Variants in SLC39A11 observed in about 807,000 individuals in gnomAD.
SLC39A11 encodes zinc transporter ZIP11.
A neutral mutation model predicts 36.1 loss-of-function variants in SLC39A11; 33 were observed. The observed-to-expected ratio is 0.91, with a 90% CI of 0.69 to 1.22. The LOEUF (loss-of-function observed/expected upper bound fraction) is 1.22. SLC39A11 is among the 50% of genes most tolerant of loss of function. SLC39A11 has a pLI of 0.00. For synonymous variants in SLC39A11, 166 were observed against 170.3 expected, an observed-to-expected ratio of 0.97 and a Z score of 0.20; for missense variants, 432 against 430.3, an observed-to-expected ratio of 1.00 and a Z score of -0.03.
chr17:72,692,879 T>C (rs186972073), intron 7 of SLC39A11, among the ~76,000 whole-genome samples: 143 of 152,286 alleles, frequency 9.4e-4, no homozygotes, highest in Non-Finnish European at 3.7e-4. Flanking sequence ...CAGCACCTCA[T>C]CAAAGCACTC....
intron 6 of SLC39A11, among the ~76,000 whole-genome samples, chr17:72,845,829 G>A (rs2079021132): frequency 1.3e-5 from 2 of 152,126 alleles, no homozygotes; most frequent in African/African-American, 4.8e-5. Context: ...TGAAACCAGT[G>A]ACTATTACCA....
chr17:72,784,857 CTTCT>C (rs754797002), intron 6 of SLC39A11, among the ~76,000 whole-genome samples: 4 of 116,086 alleles, frequency 3.4e-5, no homozygotes, highest in Non-Finnish European at 5.6e-5. Flanking sequence ...TTTTTTCTTT[CTTCT>C]TTTTTTTTTT....
chr17:72,760,153 A>G (rs1009469125), intron 6 of SLC39A11, among the ~76,000 whole-genome samples: 13 of 152,036 alleles, frequency 8.6e-5, no homozygotes, highest in African/African-American at 2.9e-4. Context: ...CAGCCTCCCG[A>G]GTAGCTGGGA....
chr17:73,081,670 C>CATGTATGTATATATGTATGTAT (rs2060523749), intron 3 of SLC39A11, among the ~76,000 whole-genome samples: 1 of 82,206 alleles, frequency 1.2e-5, no homozygotes, highest in Non-Finnish European at 2.3e-5. Flanking sequence ...CACACACACA[C>CATGTATGTATATATGTATGTAT]ATATATATAC....
At chr17:72,754,514 G>C (rs921723160) in intron 6 of SLC39A11, among the ~76,000 whole-genome samples, 3 of 152,184 alleles carry the variant, frequency 2.0e-5, no homozygotes, top group Admixed American at 2.0e-4. Flanking sequence ...GCCTACAGAG[G>C]ATGAGGAAGG....
chr17:72,899,003 C>A (rs182832712), intron 5 of SLC39A11, among the ~76,000 whole-genome samples: 2 of 149,862 alleles, frequency 1.3e-5, no homozygotes, highest in Non-Finnish European at 3.0e-5. Flanking sequence ...AGCCACTTGA[C>A]CGACCCCCAT....
At chr17:72,915,475 G>A (rs542866438) in intron 5 of SLC39A11, among the ~76,000 whole-genome samples, 1 of 152,302 alleles carries the variant, frequency 6.6e-6, no homozygotes, top group South Asian at 2.1e-4. Flanking sequence ...TGGCCTGTGT[G>A]GTACAACGTG....
chr17:72,754,850 T>G (rs886702400), intron 6 of SLC39A11, among the ~76,000 whole-genome samples: 1 of 152,214 alleles, frequency 6.6e-6, no homozygotes, highest in Non-Finnish European at 1.5e-5. Flanking sequence ...AGTGTGCACA[T>G]GCAAGCATGC....
chr17:73,032,129 C>T (rs1011461580), intron 3 of SLC39A11, among the ~76,000 whole-genome samples: 4 of 151,928 alleles, frequency 2.6e-5, no homozygotes, highest in Non-Finnish European at 5.9e-5. Context: ...AAACAACCTA[C>T]AATGCACAGC....
intron 3 of SLC39A11, among the ~76,000 whole-genome samples, chr17:73,041,449 T>G (rs1489850575): frequency 6.6e-6 from 1 of 152,074 alleles, no homozygotes; most frequent in Non-Finnish European, 1.5e-5. Context: ...AGAGACCTGA[T>G]GGAAGCCTGG....
intron 7 of SLC39A11, among the ~76,000 whole-genome samples, chr17:72,724,206 G>C (rs1332990992): frequency 2.0e-5 from 3 of 152,098 alleles, no homozygotes; most frequent in Non-Finnish European, 4.4e-5. Flanking sequence ...AGGGACAGAG[G>C]GGGATAAGAA....
intron 4 of SLC39A11, among the ~76,000 whole-genome samples, chr17:72,977,191 C>A (rs2087916470): frequency 6.6e-6 from 1 of 152,170 alleles, no homozygotes; most frequent in Non-Finnish European, 1.5e-5. Context: ...GCTGAAGAAG[C>A]AGGGAGCCAC....
intron 6 of SLC39A11, among the ~76,000 whole-genome samples, chr17:72,788,600 G>A (rs1357740257): frequency 6.6e-6 from 1 of 152,228 alleles, no homozygotes; most frequent in African/African-American, 2.4e-5. Context: ...CCAGAAAAGG[G>A]AGTATAAGAA....
chr17:72,908,956 A>G (rs8064950), intron 5 of SLC39A11, among the ~76,000 whole-genome samples: 6,900 of 152,278 alleles, frequency 0.045, 448 homozygotes, highest in African/African-American at 0.15. Context: ...ACAGGATATA[A>G]AGATTAACCA....
chr17:73,013,342 C>T (rs976860934), intron 4 of SLC39A11, among the ~76,000 whole-genome samples: 1 of 152,286 alleles, frequency 6.6e-6, no homozygotes, highest in Non-Finnish European at 1.5e-5. Context: ...CCCACCTCAG[C>T]CTCCCAAAGT....
At chr17:72,956,999 A>T (rs1312329167) in intron 4 of SLC39A11, among the ~76,000 whole-genome samples, 2 of 151,996 alleles carry the variant, frequency 1.3e-5, no homozygotes, top group Non-Finnish European at 2.9e-5. Flanking sequence ...TGGATGGTCT[A>T]AGATGGCACA....
intron 6 of SLC39A11, among the ~76,000 whole-genome samples, chr17:72,824,610 TTTTTAAA>T (rs1216814235): frequency 6.6e-6 from 1 of 151,260 alleles, no homozygotes; most frequent in Non-Finnish European, 1.5e-5. Context: ...TCCTAGAGAC[TTTTTAAA>T]TTTTTGTGAC....
intron 6 of SLC39A11, among the ~76,000 whole-genome samples, chr17:72,742,568 C>T (rs1165147648): frequency 1.3e-5 from 2 of 152,196 alleles, no homozygotes; most frequent in Non-Finnish European, 2.9e-5. Context: ...TATTTCCTGA[C>T]ACTAGACAGG....
At chr17:72,804,005 GT>G (rs368712167) in intron 6 of SLC39A11, among the ~76,000 whole-genome samples, 4 of 149,700 alleles carry the variant, frequency 2.7e-5, no homozygotes, top group Non-Finnish European at 5.9e-5. Flanking sequence ...TCTTTTTTGG[GT>G]GGGGGCGGGG....
Sources: allele counts gnomAD v4.1 joint callset (sites outside exome capture counted in the v4.1 genomes callset), GRCh38; gene constraint gnomAD v4.1.1; transcripts MANE v1.5; gene names NCBI Gene and HGNC (gene_info 2026-07-23, HGNC 2026-07-21).